Variants in SETBP1 observed in about 807,000 individuals in gnomAD.
The protein encoded by SETBP1 is SET-binding protein.
SETBP1 carries 9 observed loss-of-function variants against 101.0 expected under a neutral mutation model. That is an observed-to-expected ratio of 0.09 (90% CI 0.05 to 0.16). SETBP1 has a LOEUF of 0.16. Among genes scored for constraint, SETBP1 ranks in the 10% least tolerant of loss-of-function variants. SETBP1 has a pLI of 1.00. For missense variants in SETBP1, 1,858 were observed against 2,033.8 expected, an observed-to-expected ratio of 0.91 and a Z score of 1.66; for synonymous variants, 818 against 788.5, an observed-to-expected ratio of 1.04 and a Z score of -0.63.
chr18:45,030,098 A>C (rs56092425), intron 4 of SETBP1, among the ~76,000 whole-genome samples: 13,806 of 148,958 alleles, frequency 0.093, 938 homozygotes, highest in African/African-American at 0.19. Flanking sequence ...CAGTTTTCAA[A>C]GGGAATGCTT....
chr18:44,929,548 T>A (rs1302671872), intron 3 of SETBP1, among the ~76,000 whole-genome samples: 1 of 152,234 alleles, frequency 6.6e-6, no homozygotes, highest in Non-Finnish European at 1.5e-5. Context: ...CTCACGATAT[T>A]GATTCTTCCT....
intron 2 of SETBP1, among the ~76,000 whole-genome samples, chr18:44,737,699 C>G (rs2070000308): frequency 6.6e-6 from 1 of 152,188 alleles, no homozygotes; most frequent in Admixed American, 6.5e-5. Flanking sequence ...CTAGAAATTT[C>G]CAAAGCTGGA....
chr18:44,798,306 G>A (rs1293020341), intron 2 of SETBP1, among the ~76,000 whole-genome samples: 2 of 152,148 alleles, frequency 1.3e-5, no homozygotes, highest in Non-Finnish European at 2.9e-5. Flanking sequence ...CTCATAGATA[G>A]ATCATTTAGT....
chr18:44,977,680 C>T (rs2072020729), intron 4 of SETBP1, among the ~76,000 whole-genome samples: 1 of 152,164 alleles, frequency 6.6e-6, no homozygotes, highest in Non-Finnish European at 1.5e-5. Context: ...CAGAATAATC[C>T]CATAGCCTGG....
chr18:45,029,329 C>A (rs537098420), intron 4 of SETBP1, among the ~76,000 whole-genome samples: 1 of 151,564 alleles, frequency 6.6e-6, no homozygotes. Flanking sequence ...TGTAGATATG[C>A]GGCATTATTT....
At chr18:44,943,064 T>C (rs1186608763) in intron 3 of SETBP1, among the ~76,000 whole-genome samples, 2 of 152,204 alleles carry the variant, frequency 1.3e-5, no homozygotes, top group Non-Finnish European at 2.9e-5. Flanking sequence ...ACTAAAAAGA[T>C]ACGTAGTGAC....
Position 45,066,782 on chromosome 18 carries a change from T to C in SETBP1, c.*3084T>C, listed in dbSNP as rs568814134. 1 of 152,284 alleles carries C rather than the reference T, an allele frequency of 6.6e-6. No individual in the cohort carries two copies. The highest frequency in any genetic ancestry group is 2.4e-5 in the African/African-American group (1 of 41,544). The allele number at this position is 152,284 out of a possible 1,614,324, so 9.4% of individuals were successfully genotyped here. A position where few individuals can be genotyped will look rare whatever the true frequency, so the allele number is the denominator to read the frequency against. On this transcript the variant is annotated 3_prime_UTR_variant, in exon 6 of 6. Transcript: ENST00000649279. ...CCTTGATTTTTATTTCTTTTTCTTT[T>C]GTTTTCTGGATTACCTGCCTTCAGT...
intron 3 of SETBP1, among the ~76,000 whole-genome samples, chr18:44,895,662 T>A (rs1370125544): frequency 6.6e-6 from 1 of 152,058 alleles, no homozygotes; most frequent in Non-Finnish European, 1.5e-5. Context: ...GTGGCAATGG[T>A]GTTAGGATGT....
chr18:44,819,613 G>A (rs1317103477), intron 2 of SETBP1, among the ~76,000 whole-genome samples: 1 of 152,054 alleles, frequency 6.6e-6, no homozygotes, highest in Non-Finnish European at 1.5e-5. Context: ...CCCATGCAGG[G>A]CAGAGGAAGG....
intron 2 of SETBP1, among the ~76,000 whole-genome samples, chr18:44,847,487 G>C (rs1042295301): frequency 6.6e-6 from 1 of 152,306 alleles, no homozygotes; most frequent in Non-Finnish European, 1.5e-5. Flanking sequence ...ATCCAAACTT[G>C]GCAGTTGTGT....
rs1394078890 is a variant in SETBP1, at chr18:45,067,932, T to C, written c.*4234T>C. The C allele has an allele frequency of 6.6e-6, 1 of 152,192 alleles. No homozygotes were observed. Among genetic ancestry groups the C allele is most frequent in the Non-Finnish European group, 1.5e-5 (1 of 68,032 alleles). The allele number at this position is 152,192 out of a possible 1,614,324, so 9.4% of individuals were successfully genotyped here. A position where few individuals can be genotyped will look rare whatever the true frequency, so the allele number is the denominator to read the frequency against. ...GAAGGGCGGTTCCACCCTAGATTGG[T>C]GTCTTTCTTTTTCTTCCTTTTTTTA... On this transcript the variant is annotated 3_prime_UTR_variant, in exon 6 of 6. Transcript: ENST00000649279.
chr18:45,004,103 C>T (rs1010087494), intron 4 of SETBP1, among the ~76,000 whole-genome samples: 7 of 152,190 alleles, frequency 4.6e-5, no homozygotes, highest in East Asian at 3.8e-4. Flanking sequence ...AAATGTCAGG[C>T]GTGCTGAAGT....
chr18:44,945,014 T>A, intron 3 of SETBP1, among the ~76,000 whole-genome samples: 1 of 152,176 alleles, frequency 6.6e-6, no homozygotes, highest in East Asian at 1.9e-4. Flanking sequence ...ATATTTTTTT[T>A]ATACTTTTAA....
intron 2 of SETBP1, among the ~76,000 whole-genome samples, chr18:44,824,586 A>C (rs1036249950): frequency 2.6e-5 from 4 of 152,190 alleles, no homozygotes; most frequent in Non-Finnish European, 2.9e-5. Flanking sequence ...CTGACGGTGT[A>C]ACATAACACT....
intron 2 of SETBP1, among the ~76,000 whole-genome samples, chr18:44,759,791 T>C (rs2070598810): frequency 6.6e-6 from 1 of 152,236 alleles, no homozygotes; most frequent in African/African-American, 2.4e-5. Context: ...TGCAATGGCT[T>C]TAAACTAGAT....
chr18:44,909,185 G>T (rs746570074), intron 3 of SETBP1, among the ~76,000 whole-genome samples: 1 of 152,206 alleles, frequency 6.6e-6, no homozygotes, highest in Non-Finnish European at 1.5e-5. Flanking sequence ...GATGAGTAAG[G>T]AGAAATGGGG....
chr18:44,834,992 A>C (rs188330310), intron 2 of SETBP1, among the ~76,000 whole-genome samples: 8 of 152,324 alleles, frequency 5.3e-5, no homozygotes, highest in African/African-American at 1.7e-4. Flanking sequence ...GAGGTGGGAC[A>C]GACAGGCGAC....
intron 5 of SETBP1, among the ~76,000 whole-genome samples, chr18:45,043,319 T>C (rs1051851207): frequency 2.0e-5 from 3 of 151,540 alleles, no homozygotes; most frequent in Non-Finnish European, 4.4e-5. Flanking sequence ...AAGACTAGAC[T>C]AGCAATAATG....
intron 2 of SETBP1, among the ~76,000 whole-genome samples, chr18:44,860,897 C>T (rs1401390538): frequency 6.6e-6 from 1 of 152,178 alleles, no homozygotes; most frequent in African/African-American, 2.4e-5. Flanking sequence ...AGCATCTTTA[C>T]AGAGATAAGC....
Sources: gnomAD v4.1 joint callset for allele counts (sites outside exome capture counted in the v4.1 genomes callset) on GRCh38, gnomAD v4.1.1 for gene constraint, MANE v1.5 for transcripts, NCBI Gene and HGNC (gene_info 2026-07-23, HGNC 2026-07-21) for gene names.